The following FAM118A variants were observed in gnomAD, a reference collection of about 807,000 sequenced individuals.
The protein encoded by FAM118A is protein FAM118A.
In FAM118A, 25 loss-of-function variants were observed where a neutral mutation model predicts 38.2. The ratio of observed to expected loss-of-function variants is 0.65; its 90% CI spans 0.48 to 0.91. FAM118A has a LOEUF of 0.91. Ranked by LOEUF, FAM118A falls within the 40% of genes least tolerant of loss-of-function variation. The pLI, the probability that FAM118A is intolerant of heterozygous loss-of-function variation, is 0.00. For synonymous variants in FAM118A, 178 were observed against 184.1 expected, an observed-to-expected ratio of 0.97 and a Z score of 0.27; for missense variants, 425 against 463.3, an observed-to-expected ratio of 0.92 and a Z score of 0.76.
intron 8 of FAM118A, chr22:45,337,950 T>G: frequency 1.1e-6 from 1 of 936,000 alleles, no homozygotes; most frequent in South Asian, 4.9e-5. Flanking sequence ...GATGGGAACC[T>G]GTTCCCAGTG....
At chr22:45,328,729 G>C (rs1051357929) in intron 4 of FAM118A, 1 of 518,834 alleles carries the variant, frequency 1.9e-6, no homozygotes, top group African/African-American at 1.9e-5. Flanking sequence ...GTTGCAGTGA[G>C]CTGAGATCAC....
At chr22:45,328,477 A>G (rs779798220) in intron 4 of FAM118A, 1 of 853,408 alleles carries the variant, frequency 1.2e-6, no homozygotes, top group East Asian at 2.4e-5. Flanking sequence ...GTGAATTACT[A>G]ATAAAGTAGC....
At chr22:45,339,457 CAT>C (rs149025543) in intron 8 of FAM118A, among the ~76,000 whole-genome samples, 13,977 of 152,214 alleles carry the variant, frequency 0.092, 727 homozygotes, top group African/African-American at 0.12. Flanking sequence ...TGGGGGCACA[CAT>C]GTTTTAGAGA....
At chr22:45,309,890 C>G (rs1332457906), upstream of FAM118A, 1 of 152,048 alleles carries the variant, frequency 6.6e-6, no homozygotes, top group Non-Finnish European at 1.5e-5. Flanking sequence ...GGTTTCGGGA[C>G]GGAACGTTCA....
chr22:45,312,497 A>AC (rs2084415342), intron 1 of FAM118A, among the ~76,000 whole-genome samples: 1 of 151,952 alleles, frequency 6.6e-6, no homozygotes, highest in Non-Finnish European at 1.5e-5. Context: ...ACATAGCAGA[A>AC]CCCCATCTCT....
chr22:45,310,901 T>G (rs2084336354), intron 1 of FAM118A, among the ~76,000 whole-genome samples: 1 of 151,570 alleles, frequency 6.6e-6, no homozygotes. Flanking sequence ...TCCTCCTTAA[T>G]TTTTTCATTC....
chr22:45,324,760 C>G (rs1415128537), intron 3 of FAM118A, among the ~76,000 whole-genome samples: 1 of 152,206 alleles, frequency 6.6e-6, no homozygotes, highest in Non-Finnish European at 1.5e-5. Flanking sequence ...TACTTCCTCT[C>G]TGAGGCAGGG....
rs755843282 is a variant in FAM118A at position 45,322,384 on chromosome 22, A to C, written c.5A>C (p.Asp2Ala). M[D>A]SVEKTTNRSE... Reference sequence around the variant, plus strand: ...TTTTCTCTTTAGAATTCACAGATGGATTCAGTGGAAAAGACAACAAATAGA... The same window carrying C: ...TTTTCTCTTTAGAATTCACAGATGGCTTCAGTGGAAAAGACAACAAATAGA... The change falls in exon 2 of 9, where the codon GAT becomes GCT. Residue 2 changes from aspartate (D) to alanine (A), a missense_variant. By Grantham distance (126) the Asp-to-Ala change is moderately radical (BLOSUM62 -2). Coordinates refer to ENST00000441876, the MANE Select transcript of FAM118A (RefSeq NM_017911.4). 4 of 1,611,008 alleles carry C rather than the reference A, an allele frequency of 2.5e-6. No homozygotes were observed. The highest frequency in any genetic ancestry group is 3.4e-6 in the Non-Finnish European group (4 of 1,179,296).
At chr22:45,318,888 C>T (rs1210372871) in intron 1 of FAM118A, 1 of 152,178 alleles carries the variant, frequency 6.6e-6, no homozygotes, top group Admixed American at 6.5e-5. Flanking sequence ...ACCTGCAGTT[C>T]AGGCTGAGAA....
chr22:45,314,564 T>G (rs1487193996), intron 1 of FAM118A, among the ~76,000 whole-genome samples: 1 of 152,256 alleles, frequency 6.6e-6, no homozygotes, highest in Non-Finnish European at 1.5e-5. Flanking sequence ...AATTTTCACT[T>G]CTGAAAAATT....
At chr22:45,331,105 C>T (rs2085683572) in intron 5 of FAM118A, among the ~76,000 whole-genome samples, 1 of 152,142 alleles carries the variant, frequency 6.6e-6, no homozygotes, top group South Asian at 2.1e-4. Flanking sequence ...AGAATGTTGT[C>T]CTTGTTCTTC....
chr22:45,316,130 C>T (rs1179936873), intron 1 of FAM118A, among the ~76,000 whole-genome samples: 1 of 152,186 alleles, frequency 6.6e-6, no homozygotes, highest in Admixed American at 6.5e-5. Context: ...ACCTCTGCCT[C>T]CCGGGTTCAA....
At chr22:45,320,616 G>A (rs978086978) in intron 1 of FAM118A, among the ~76,000 whole-genome samples, 1 of 151,932 alleles carries the variant, frequency 6.6e-6, no homozygotes, top group African/African-American at 2.4e-5. Context: ...TGTATTTTTT[G>A]TAGAGATGGG....
intron 6 of FAM118A, among the ~76,000 whole-genome samples, chr22:45,334,363 G>A (rs764545624): frequency 2.0e-5 from 3 of 152,216 alleles, no homozygotes; most frequent in Non-Finnish European, 4.4e-5. Flanking sequence ...GCAGGTATAT[G>A]TGACCAGCTG....
intron 1 of FAM118A, among the ~76,000 whole-genome samples, chr22:45,311,361 C>G (rs1000456531): frequency 1.3e-5 from 2 of 152,114 alleles, no homozygotes; most frequent in Non-Finnish European, 2.9e-5. Flanking sequence ...GCTTTGCTCC[C>G]GGAGGCCCAC....
At chr22:45,331,167 C>G (rs1485647643) in intron 5 of FAM118A, among the ~76,000 whole-genome samples, 3 of 152,036 alleles carry the variant, frequency 2.0e-5, no homozygotes, top group Non-Finnish European at 4.4e-5. Context: ...AGTTGTAAAG[C>G]TTCATTTTTG....
intron 8 of FAM118A, chr22:45,337,852 T>C (rs1295675445): frequency 1.0e-6 from 1 of 985,406 alleles, no homozygotes; most frequent in Non-Finnish European, 1.2e-6. Context: ...GCCATCCTCA[T>C]GCTCGCGGGA....
chr22:45,333,613 G>A (rs2085877539), intron 6 of FAM118A, among the ~76,000 whole-genome samples: 1 of 150,188 alleles, frequency 6.7e-6, no homozygotes, highest in Non-Finnish European at 1.5e-5. Context: ...GGCAGAGCTT[G>A]CAGTGAGCCA....
At chr22:45,336,759 G>A (rs993599436) in intron 8 of FAM118A, among the ~76,000 whole-genome samples, 21 of 152,208 alleles carry the variant, frequency 1.4e-4, no homozygotes, top group African/African-American at 4.1e-4. Context: ...GCATTTTTGC[G>A]AAGTGAACGC....
Sources: allele counts gnomAD v4.1 joint callset (sites outside exome capture counted in the v4.1 genomes callset), GRCh38; gene constraint gnomAD v4.1.1; transcripts MANE v1.5; gene names NCBI Gene and HGNC (gene_info 2026-07-23, HGNC 2026-07-21).